NDUFAF7: variants seen among roughly 807,000 people sequenced by gnomAD.
NDUFAF7 encodes protein arginine methyltransferase NDUFAF7, mitochondrial.
In NDUFAF7, 48 loss-of-function variants were observed where a neutral mutation model predicts 47.2. That is an observed-to-expected ratio of 1.02 (90% CI 0.81 to 1.29). The LOEUF is 1.29. NDUFAF7 is among the 50% of genes most tolerant of loss of function. The pLI is 0.00. For missense variants in NDUFAF7, 635 were observed against 537.6 expected (o/e 1.18, Z -1.79); for synonymous variants, 217 against 190.0 (o/e 1.14, Z -1.17).
chr2:37,233,436 T>C (rs1665404203), intron 2 of NDUFAF7, among the ~76,000 whole-genome samples: 1 of 152,172 alleles, frequency 6.6e-6, no homozygotes. Flanking sequence ...GAGACCAGCC[T>C]GACCAACTTG....
the NDUFAF7 span, chr2:37,269,502 T>C: frequency 1.2e-6 from 1 of 838,780 alleles, no homozygotes; most frequent in Non-Finnish European, 2.0e-6. Context: ...AGTCAGCCTT[T>C]AAAAAAAAGG....
chr2:37,254,839 A>G (rs2300893), downstream of NDUFAF7, among the ~76,000 whole-genome samples: 52,390 of 152,100 alleles, frequency 0.34, 9,818 homozygotes, highest in East Asian at 0.44. Context: ...CTTAACTACC[A>G]AAAGTTTACA....
At chr2:37,265,326 T>G in the NDUFAF7 span, among the ~76,000 whole-genome samples, 12 of 152,346 alleles carry the variant, frequency 7.9e-5, no homozygotes, top group African/African-American at 2.9e-4. Flanking sequence ...CTAAATCTTA[T>G]GAAACTAATT....
In NDUFAF7 at chr2:37,236,968, C is replaced by T. The variant is rs559168296; in HGVS notation, c.298-789C>T. Among the ~76,000 whole-genome samples the T allele has an allele frequency of 2.6e-4, 39 of 152,050 alleles. No homozygotes were observed. In the Middle Eastern group the frequency reaches 0.014, roughly 53 times the overall value. ...TAGCCGTACTTACAGTAAAAGTCTT[C>T]TTTTATTTATCTATTTTTTGAGCCA... is the stretch of plus-strand genomic sequence containing the variant. On this transcript the variant is annotated intron_variant, in intron 3 of 9. Transcript: ENST00000002125.
intron 7 of NDUFAF7, among the ~76,000 whole-genome samples, chr2:37,244,918 G>C (rs1666747963): frequency 6.6e-6 from 1 of 152,072 alleles, no homozygotes; most frequent in Admixed American, 6.5e-5. Context: ...TATTCACTTA[G>C]GAAGGGAGGG....
At chr2:37,251,148 T>C (rs1477055404), downstream of NDUFAF7, 1 of 152,628 alleles carries the variant, frequency 6.6e-6, no homozygotes, top group Non-Finnish European at 1.5e-5. Flanking sequence ...AAACAGACTT[T>C]GGTGAAACTG....
chr2:37,236,308 T>C, intron 3 of NDUFAF7, 132 bp downstream of exon 3: 1 of 793,470 alleles, frequency 1.3e-6, no homozygotes, highest in Non-Finnish European at 2.2e-6. Flanking sequence ...TAGTAGTTTA[T>C]GTACTGAGGG....
chr2:37,266,612 G>A, the NDUFAF7 span, among the ~76,000 whole-genome samples: 2 of 151,916 alleles, frequency 1.3e-5, no homozygotes, highest in African/African-American at 2.4e-5. Context: ...TCAGCCTCCT[G>A]AGTAGCTGGG....
chr2:37,266,747 C>CA, the NDUFAF7 span, among the ~76,000 whole-genome samples: 9 of 152,284 alleles, frequency 5.9e-5, no homozygotes, highest in East Asian at 1.5e-3. Flanking sequence ...CTTGGCCTCC[C>CA]AAAGTGCTGG....
chr2:37,260,395 G>T, the NDUFAF7 span: 2 of 1,605,248 alleles, frequency 1.2e-6, no homozygotes, highest in South Asian at 1.1e-5. Flanking sequence ...CTGAAGAGAG[G>T]TTGCAAGATA....
downstream of NDUFAF7, among the ~76,000 whole-genome samples, chr2:37,256,281 G>A (rs995666883): frequency 5.9e-5 from 9 of 152,194 alleles, no homozygotes; most frequent in African/African-American, 2.2e-4. Context: ...AACTATGCCT[G>A]TAAGGTGGTT....
chr2:37,250,259 G>T (rs891096455), downstream of NDUFAF7, among the ~76,000 whole-genome samples: 1 of 152,018 alleles, frequency 6.6e-6, no homozygotes, highest in Non-Finnish European at 1.5e-5. Context: ...CAAAGACTTG[G>T]TTGGGAGAAT....
At position 37,245,673 on chromosome 2, in the gene NDUFAF7, T is replaced by C. The variant is rs1318252669; in HGVS notation, c.793-379T>C. Among the ~76,000 whole-genome samples the C allele has an allele frequency of 5.4e-5, 4 of 74,092 alleles. No individual in the cohort carries two copies. In the East Asian group the frequency reaches 1.6e-3, roughly 30 times the overall value. The allele number at this position is 74,092 out of a possible 152,430, so 48.6% of individuals were successfully genotyped here. A position where few individuals can be genotyped will look rare whatever the true frequency, so the allele number is the denominator to read the frequency against. The stretch of plus-strand genomic sequence containing the variant: ...TCATTGACTGTTATGTGCCTGGCAC[T>C]GTTCTAGGCAGACAAAAAAAATCCC... On this transcript the variant is annotated intron_variant, in intron 7 of 9. Coordinates refer to ENST00000002125, the MANE Select transcript of NDUFAF7 (RefSeq NM_144736.5).
At chr2:37,245,270 T>G (rs1218396917) in intron 7 of NDUFAF7, among the ~76,000 whole-genome samples, 1 of 152,210 alleles carries the variant, frequency 6.6e-6, no homozygotes, top group African/African-American at 2.4e-5. Flanking sequence ...CATTACTGCA[T>G]TTCTATAATA....
intron 2 of NDUFAF7, among the ~76,000 whole-genome samples, chr2:37,233,418 A>G (rs988445186): frequency 2.0e-5 from 3 of 152,220 alleles, no homozygotes; most frequent in Non-Finnish European, 4.4e-5. Flanking sequence ...TCACGAGGTC[A>G]GGAGTTTGAG....
the NDUFAF7 span, among the ~76,000 whole-genome samples, chr2:37,266,484 C>A: frequency 6.7e-6 from 1 of 149,082 alleles, no homozygotes; most frequent in African/African-American, 2.5e-5. Flanking sequence ...TGCCACCACA[C>A]CCGGCTTTTT....
rs1255615300 is a variant in NDUFAF7 at position 37,248,753 on chromosome 2, A to G, written c.*403A>G. The stretch of plus-strand genomic sequence containing the variant: ...AAAATGGAGAAACCCCATCTCTACT[A>G]AAAATACAAAACTAGCCGGGTATGG... On this transcript the variant is annotated 3_prime_UTR_variant, in exon 10 of 10. Coordinates refer to ENST00000002125, the MANE Select transcript of NDUFAF7 (RefSeq NM_144736.5). 2 of 264,614 alleles carry G rather than the reference A, an allele frequency of 7.6e-6. No individual in the cohort carries two copies. The highest frequency in any genetic ancestry group is 1.5e-5 in the Non-Finnish European group (2 of 135,146). The allele number at this position is 264,614 out of a possible 1,614,324, so 16.4% of individuals were successfully genotyped here.
chr2:37,232,367 G>C (rs1371237522), intron 2 of NDUFAF7, 101 bp downstream of exon 2: 2 of 1,473,332 alleles, frequency 1.4e-6, no homozygotes, highest in African/African-American at 1.4e-5. Flanking sequence ...GGCAGTGGGG[G>C]TGCCTGCCAG....
At position 37,248,146 on chromosome 2, in the gene NDUFAF7, T is replaced by G. The variant is rs775866164; in HGVS notation, c.1122T>G (p.Asp374Glu). The G allele has an allele frequency of 8.7e-6, 14 of 1,613,394 alleles. No homozygotes were observed. Among genetic ancestry groups the G allele is most frequent in the Non-Finnish European group, 1.1e-5 (13 of 1,179,546 alleles). Residue 374 changes from aspartate (D) to glutamate (E), a missense_variant, in exon 10 of 10, where the codon GAT becomes GAG. Transcript: ENST00000002125. ...TTTTTTCTTTTCAGGTTCTTTTAGA[T>G]AAATCAAATGAGCCATCAGTGAGGC... ...GIDVRLKVLL[D>E]KSNEPSVRQQ...
Sources: allele counts gnomAD v4.1 joint callset (sites outside exome capture counted in the v4.1 genomes callset), GRCh38; gene constraint gnomAD v4.1.1; transcripts MANE v1.5; gene names NCBI Gene and HGNC (gene_info 2026-07-23, HGNC 2026-07-21).